DOCK10: variants seen among roughly 807,000 people sequenced by gnomAD.
The protein encoded by DOCK10 is dedicator of cytokinesis protein 10.
DOCK10 carries 145 observed loss-of-function variants against 280.1 expected under a neutral mutation model. The ratio of observed to expected loss-of-function variants is 0.52; its 90% confidence interval spans 0.45 to 0.59. DOCK10 has a LOEUF of 0.59. Ranked by LOEUF, DOCK10 falls within the 20% of genes least tolerant of loss-of-function variation. DOCK10 has a pLI of 0.00. For synonymous variants in DOCK10, 915 were observed against 942.2 expected, an observed-to-expected ratio of 0.97 and a Z score of 0.53; for missense variants, 2,368 against 2,651.7, an observed-to-expected ratio of 0.89 and a Z score of 2.35.
At chr2:224,867,504 C>T (rs1698008658) in intron 11 of DOCK10, among the ~76,000 whole-genome samples, 2 of 152,226 alleles carry the variant, frequency 1.3e-5, no homozygotes, top group East Asian at 3.9e-4. Context: ...TAACCTCTTG[C>T]CCCCAGGCTA....
rs181011811 is a variant in DOCK10, at chr2:225,009,161, G to A, written c.123+33091C>T. 3.2e-4 allele frequency among the ~76,000 whole-genome samples: 48 copies of A among 152,228 alleles called. 1 individual carries two copies. The highest frequency in any genetic ancestry group is 6.5e-4 in the Non-Finnish European group (44 of 68,014). The stretch of plus-strand genomic sequence containing the variant: ...AGATGCTTGAAAAACCAGGGTCGAC[G>A]CCTAAGTAAGGGGGTCACAGATTAG... On this transcript the variant is annotated intron_variant, in intron 1 of 55. Transcript: ENST00000258390.
At chr2:225,038,084 C>A (rs1056172146) in intron 1 of DOCK10, among the ~76,000 whole-genome samples, 1 of 152,128 alleles carries the variant, frequency 6.6e-6, no homozygotes. Flanking sequence ...GAACAACAAA[C>A]AACAAAACAA....
At chr2:224,832,774 AC>A (rs760894103) in intron 26 of DOCK10, among the ~76,000 whole-genome samples, 6 of 151,852 alleles carry the variant, frequency 4.0e-5, no homozygotes, top group Non-Finnish European at 7.4e-5. Context: ...ACAGACTCCT[AC>A]CCCTCTCCAT....
At chr2:224,923,065 G>T (rs1473149560) in intron 2 of DOCK10, among the ~76,000 whole-genome samples, 7 of 152,194 alleles carry the variant, frequency 4.6e-5, no homozygotes, top group African/African-American at 1.7e-4. Flanking sequence ...ATTCAGAAGA[G>T]TATTGTTGTG....
At chr2:224,919,389 GTGTGTGTGGTATATGAA>G (rs1164875727) in intron 2 of DOCK10, among the ~76,000 whole-genome samples, 1 of 150,524 alleles carries the variant, frequency 6.6e-6, no homozygotes, top group Non-Finnish European at 1.5e-5. Flanking sequence ...AATGTATGTG[GTGTGTGTGGTATATGAA>G]TGTGTGTAGA....
rs547897781 is a variant in DOCK10 at position 224,817,308 on chromosome 2, G to A, written c.3268-595C>T. 2.0e-5 allele frequency among the ~76,000 whole-genome samples: 3 copies of A among 152,262 alleles called. No homozygotes were observed. In the East Asian group the frequency reaches 5.8e-4, roughly 29 times the overall value. The stretch of plus-strand genomic sequence containing the variant: ...TCCAGGCACGGTCAAAGTAACACAG[G>A]AGTCAAGAACAGCCACATCAGTAGG... On this transcript the variant is annotated intron_variant, in intron 29 of 55. Transcript: ENST00000258390.
intron 23 of DOCK10, among the ~76,000 whole-genome samples, chr2:224,840,607 GATA>G (rs1170794038): frequency 6.6e-6 from 1 of 152,178 alleles, no homozygotes; most frequent in Non-Finnish European, 1.5e-5. Flanking sequence ...AAAGGTGAAA[GATA>G]ATAATTATTG....
At chr2:224,835,646 G>C (rs1695542724) in intron 25 of DOCK10, among the ~76,000 whole-genome samples, 1 of 152,182 alleles carries the variant, frequency 6.6e-6, no homozygotes, top group South Asian at 2.1e-4. Context: ...CATGTCACAG[G>C]AGAAAACTGA....
intron 3 of DOCK10, among the ~76,000 whole-genome samples, chr2:224,900,353 A>G (rs1286105667): frequency 1.3e-5 from 2 of 151,796 alleles, no homozygotes; most frequent in Non-Finnish European, 1.5e-5. Flanking sequence ...AGCACTTTGC[A>G]TACAGTCTTA....
At chr2:224,998,438 A>G (rs1259544360) in intron 1 of DOCK10, among the ~76,000 whole-genome samples, 1 of 151,938 alleles carries the variant, frequency 6.6e-6, no homozygotes, top group Non-Finnish European at 1.5e-5. Flanking sequence ...TCCCCCTTAC[A>G]TTCTCCTTGG....
chr2:224,860,353 T>C (rs1409442859), intron 14 of DOCK10, among the ~76,000 whole-genome samples: 1 of 152,198 alleles, frequency 6.6e-6, no homozygotes, highest in Non-Finnish European at 1.5e-5. Flanking sequence ...ATAGATATGA[T>C]CTCTGCAAGT....
At chr2:224,791,605 T>C (rs1257275797) in intron 47 of DOCK10, among the ~76,000 whole-genome samples, 1 of 151,458 alleles carries the variant, frequency 6.6e-6, no homozygotes, top group Non-Finnish European at 1.5e-5. Flanking sequence ...CTGGGATTTA[T>C]AGGCACCTGC....
Position 225,042,152 on chromosome 2 carries a change from T to A in DOCK10, c.123+100A>T, listed in dbSNP as rs1370480013. On this transcript the variant is annotated intron_variant, in intron 1 of 55. Coordinates refer to ENST00000258390, the MANE Select transcript of DOCK10 (RefSeq NM_014689.3). The surrounding 1 kb of genome is among the most constrained non-coding windows in gnomAD (Gnocchi z 5.1). ...AGTGCGGAGGAGAGGACCCGTGAGC[T>A]GCGGGGACCTGGGCCCGCCGAGCTT... 3.4e-6 allele frequency: 4 copies of A among 1,184,536 alleles called. No homozygotes were observed. In the African/African-American group the frequency reaches 6.4e-5, roughly 19 times the overall value. The allele number at this position is 1,184,536 out of a possible 1,614,324, so 73.4% of individuals were successfully genotyped here.
intron 1 of DOCK10, among the ~76,000 whole-genome samples, chr2:224,959,444 T>C (rs1304635195): frequency 2.0e-5 from 3 of 151,708 alleles, no homozygotes; most frequent in Non-Finnish European, 2.9e-5. Context: ...TTTCTTTTTT[T>C]TTTTTTTTTT....
chr2:224,812,844 A>T (rs1429146444), intron 31 of DOCK10, among the ~76,000 whole-genome samples: 2 of 152,102 alleles, frequency 1.3e-5, no homozygotes, highest in Non-Finnish European at 2.9e-5. Flanking sequence ...AGCCCACTTG[A>T]TCATGGTGGA....
At chr2:224,874,975 CT>C (rs1266846681) in intron 8 of DOCK10, among the ~76,000 whole-genome samples, 1 of 152,168 alleles carries the variant, frequency 6.6e-6, no homozygotes, top group Non-Finnish European at 1.5e-5. Context: ...ATGATACCAT[CT>C]TGTGTCCACA....
chr2:224,834,273 A>G lies in DOCK10; in HGVS notation c.2851-10T>C. 1.3e-6 allele frequency: 2 copies of G among 1,485,692 alleles called. No individual in the cohort carries two copies. Among genetic ancestry groups the G allele is most frequent in the East Asian group, 2.3e-5 (1 of 44,262 alleles). The allele number at this position is 1,485,692 out of a possible 1,614,324, so 92.0% of individuals were successfully genotyped here. On this transcript the variant is annotated splice_polypyrimidine_tract_variant and intron_variant, in intron 25 of 55. Transcript: ENST00000258390. Reference sequence around the variant, plus strand: ...TGGTCTTGAACACGAACTGAAGAAAATCCAAAAAGTGAATAAAGTTAAATA... The same window carrying G: ...TGGTCTTGAACACGAACTGAAGAAAGTCCAAAAAGTGAATAAAGTTAAATA...
At chr2:224,829,598 C>T (rs1225783737) in intron 27 of DOCK10, among the ~76,000 whole-genome samples, 1 of 152,106 alleles carries the variant, frequency 6.6e-6, no homozygotes, top group Non-Finnish European at 1.5e-5. Context: ...GGTGATCTAC[C>T]TGGCTGCTTC....
At chr2:224,876,009 G>A (rs1285681280) in intron 8 of DOCK10, 29 bp downstream of exon 8, 3 of 1,599,916 alleles carry the variant, frequency 1.9e-6, no homozygotes, top group South Asian at 1.1e-5. Flanking sequence ...ACTGGACAAA[G>A]GAAGGAAGAC....
Sources: allele counts gnomAD v4.1 joint callset (sites outside exome capture counted in the v4.1 genomes callset), GRCh38; gene constraint gnomAD v4.1.1; non-coding constraint Gnocchi (gnomAD v3.1); transcripts MANE v1.5; gene names NCBI Gene and HGNC (gene_info 2026-07-23, HGNC 2026-07-21).